Variants in NNT observed in about 807,000 individuals in gnomAD.
NNT encodes NAD(P) transhydrogenase, mitochondrial.
NNT carries 50 observed loss-of-function variants against 104.8 expected under a neutral mutation model. That is an observed-to-expected ratio of 0.48 (90% CI 0.38 to 0.60). The LOEUF (loss-of-function observed/expected upper bound fraction) is 0.60. NNT is among the 20% of genes least tolerant of loss of function. NNT has a pLI of 0.00. For synonymous variants in NNT, 461 were observed against 490.4 expected (o/e 0.94, Z 0.79); for missense variants, 1,131 against 1,330.7 (o/e 0.85, Z 2.33).
chr5:43,629,211 C>T (rs1459295619), intron 7 of NNT, among the ~76,000 whole-genome samples: 3 of 152,058 alleles, frequency 2.0e-5, no homozygotes, highest in Admixed American at 1.3e-4. Flanking sequence ...GCTTAGCTTC[C>T]ACTTTTAACA....
intron 13 of NNT, among the ~76,000 whole-genome samples, chr5:43,652,325 A>T (rs1360157550): frequency 1.3e-5 from 2 of 152,208 alleles, no homozygotes; most frequent in South Asian, 2.1e-4. Flanking sequence ...ATATATTCAT[A>T]AAAAAATCCA....
intron 13 of NNT, among the ~76,000 whole-genome samples, 168 bp downstream of exon 13, chr5:43,652,052 T>C (rs1261672251): frequency 2.6e-5 from 4 of 152,212 alleles, no homozygotes; most frequent in African/African-American, 9.6e-5. Flanking sequence ...TCTCTTCCCC[T>C]AAGGATCAGG....
intron 3 of NNT, among the ~76,000 whole-genome samples, chr5:43,615,558 A>G (rs576468228): frequency 1.6e-3 from 244 of 152,274 alleles, no homozygotes; most frequent in African/African-American, 5.5e-3. Flanking sequence ...GAGCTTCCAT[A>G]TATTTTTTCA....
intron 19 of NNT, among the ~76,000 whole-genome samples, chr5:43,682,329 G>A (rs1580108624): frequency 6.7e-6 from 1 of 149,670 alleles, no homozygotes; most frequent in East Asian, 2.0e-4. Context: ...TCCCACCTCA[G>A]CCTCCCAAGT....
rs1431848217 is a variant in NNT, at chr5:43,613,004, T to C, written c.248T>C (p.Val83Ala). 1 of 1,613,996 alleles carries C rather than the reference T, an allele frequency of 6.2e-7. No individual in the cohort carries two copies. The highest frequency in any genetic ancestry group is 8.5e-7 in the Non-Finnish European group (1 of 1,180,024). ...ALSPAGVQNLVKQGFNVVVES... is the reference protein window; with the variant it reads ...ALSPAGVQNLAKQGFNVVVES... ...TCTCCTGCTGGTGTTCAGAACTTGGTCAAGCAGGGTTTTAATGTTGTCGTG... is the reference window on the plus strand; with the variant it reads ...TCTCCTGCTGGTGTTCAGAACTTGGCCAAGCAGGGTTTTAATGTTGTCGTG... The change falls in exon 3 of 22, where the codon GTC (valine) becomes GCC (alanine). Residue 83 changes from valine to alanine, a missense_variant. Physicochemically the swap from Val to Ala is moderately conservative, Grantham distance 64. Coordinates refer to ENST00000344920, the MANE Select transcript of NNT (RefSeq NM_182977.3).
At chr5:43,616,260 T>C (rs926452899) in intron 4 of NNT, among the ~76,000 whole-genome samples, 195 bp downstream of exon 4, 43 of 152,238 alleles carry the variant, frequency 2.8e-4, no homozygotes, top group African/African-American at 9.4e-4. Context: ...ACTCTATTTA[T>C]ATTCCTTTTT....
At chr5:43,686,119 A>G (rs1256617993) in intron 19 of NNT, among the ~76,000 whole-genome samples, 1 of 151,940 alleles carries the variant, frequency 6.6e-6, no homozygotes, top group Non-Finnish European at 1.5e-5. Context: ...CTTTTTTTGA[A>G]CTGTGCCTGG....
chr5:43,628,935 G>GT (rs11436190), intron 7 of NNT, among the ~76,000 whole-genome samples: 19,280 of 139,990 alleles, frequency 0.14, 1,448 homozygotes, highest in African/African-American at 0.23. Context: ...TGTGTACAAT[G>GT]TTTTTTTTTT....
intron 3 of NNT, among the ~76,000 whole-genome samples, chr5:43,614,487 A>G (rs62367623): frequency 0.033 from 5,009 of 152,278 alleles, 129 homozygotes; most frequent in Non-Finnish European, 0.052. Context: ...CTTTTACTAA[A>G]TCTATGTTAT....
chr5:43,697,456 T>C (rs1429474106), intron 19 of NNT, among the ~76,000 whole-genome samples: 1 of 152,200 alleles, frequency 6.6e-6, no homozygotes, highest in African/African-American at 2.4e-5. Flanking sequence ...CCTGTCTTCT[T>C]CTGAGCCCTC....
At chr5:43,691,473 T>G (rs1231169986) in intron 19 of NNT, among the ~76,000 whole-genome samples, 1 of 152,180 alleles carries the variant, frequency 6.6e-6, no homozygotes, top group Non-Finnish European at 1.5e-5. Context: ...TGCCCTCTGA[T>G]CTTTTAAATC....
At chr5:43,630,250 C>T (rs1296409012) in intron 7 of NNT, among the ~76,000 whole-genome samples, 3 of 152,148 alleles carry the variant, frequency 2.0e-5, no homozygotes, top group Non-Finnish European at 4.4e-5. Context: ...TATTCATAAG[C>T]AGGTTCCTCT....
At position 43,653,039 on chromosome 5, in the gene NNT, T is replaced by C. The variant is rs1739846244; in HGVS notation, c.1885T>C (p.Leu629=). Residue 629 remains leucine (L), a synonymous_variant, in exon 14 of 22, where the codon TTG becomes CTG. Transcript: ENST00000344920. ...IEQIMYLGSG[L]CCVGALAGLS... ...AAAGATCATGTACCTAGGCTCGGGT[T>C]TGTGCTGTGTCGGTGCCTTGGCTGG... is the stretch of plus-strand genomic sequence containing the variant. The C allele has an allele frequency of 1.9e-6, 3 of 1,613,888 alleles. No individual in the cohort carries two copies. Among genetic ancestry groups the C allele is most frequent in the Non-Finnish European group, 2.5e-6 (3 of 1,179,814 alleles).
chr5:43,661,100 A>G (rs921487702), intron 17 of NNT, among the ~76,000 whole-genome samples: 6 of 152,008 alleles, frequency 3.9e-5, no homozygotes, highest in Admixed American at 1.3e-4. Flanking sequence ...TGATAGCCCA[A>G]ATTCAAAACA....
chr5:43,651,947 A>G lies in NNT; in HGVS notation c.1863+63A>G, dbSNP rs558141974. ...TATTTTCTTCTCTATTAGATTTAACATTGTTAGTTATCCTAATTCAAAGTA... is the reference window on the plus strand; with the variant it reads ...TATTTTCTTCTCTATTAGATTTAACGTTGTTAGTTATCCTAATTCAAAGTA... On this transcript the variant is annotated intron_variant, in intron 13 of 21. Transcript: ENST00000344920. The G allele has an allele frequency of 1.4e-5, 21 of 1,509,940 alleles. No individual in the cohort carries two copies. The South Asian group carries it at 2.3e-4, about 16-fold the overall frequency. The allele number at this position is 1,509,940 out of a possible 1,614,324, so 93.5% of individuals were successfully genotyped here.
chr5:43,624,874 C>T lies in NNT; in HGVS notation c.776+754C>T, dbSNP rs3792919. On this transcript the variant is annotated intron_variant, in intron 6 of 21. Coordinates refer to ENST00000344920, the MANE Select transcript of NNT (RefSeq NM_182977.3). ...TGAGGGTACTGGAGGAATAATACTA[C>T]TGTTAATCTTGAACATAGAATGATC... Among the ~76,000 whole-genome samples, 100 of 152,174 alleles carry T rather than the reference C, an allele frequency of 6.6e-4. 1 individual carries two copies. In the East Asian group the frequency reaches 0.016, roughly 25 times the overall value.
chr5:43,638,908 C>G (rs1200170955), intron 7 of NNT, among the ~76,000 whole-genome samples: 1 of 151,690 alleles, frequency 6.6e-6, no homozygotes, highest in East Asian at 1.9e-4. Flanking sequence ...AGTGTGAGGG[C>G]TTGGTTCTTT....
At chr5:43,667,320 G>A (rs1248009648) in intron 17 of NNT, 6 of 598,598 alleles carry the variant, frequency 1.0e-5, no homozygotes, top group African/African-American at 3.7e-5. Context: ...TGTGCACAAC[G>A]TGCAGGTTTG....
Position 43,659,400 on chromosome 5 carries a change from A to G in NNT, c.2634+50A>G, listed in dbSNP as rs201499111. 46 of 1,397,754 alleles carry G rather than the reference A, an allele frequency of 3.3e-5. No individual in the cohort carries two copies. The African/African-American group carries it at 3.4e-4, about 10-fold the overall frequency. The allele number at this position is 1,397,754 out of a possible 1,614,324, so 86.6% of individuals were successfully genotyped here. A position where few individuals can be genotyped will look rare whatever the true frequency, so the allele number is the denominator to read the frequency against. On this transcript the variant is annotated intron_variant, in intron 17 of 21. Coordinates refer to ENST00000344920, the MANE Select transcript of NNT (RefSeq NM_182977.3). ...CAAAAGGAAATGGCTTCCTGAAAAC[A>G]TGGATGTGCATGTCATTTCTTTTAT...
Sources: allele counts gnomAD v4.1 joint callset (sites outside exome capture counted in the v4.1 genomes callset), GRCh38; gene constraint gnomAD v4.1.1; transcripts MANE v1.5; gene names NCBI Gene and HGNC (gene_info 2026-07-23, HGNC 2026-07-21).